The following MGAT4C variants were observed in gnomAD, a reference collection of about 807,000 sequenced individuals.
MGAT4C encodes alpha-1,3-mannosyl-glycoprotein 4-beta-N-acetylglucosaminyltransferase C.
Under a neutral mutation model 40.1 loss-of-function variants are expected in MGAT4C, and 19 were observed. That is an observed-to-expected ratio of 0.47 (90% CI 0.33 to 0.70). The LOEUF is 0.70. Ranked by LOEUF, MGAT4C falls within the 30% of genes least tolerant of loss-of-function variation. The pLI is 0.02. For synonymous variants in MGAT4C, 181 were observed against 187.1 expected (o/e 0.97, Z 0.27); for missense variants, 491 against 563.2 (o/e 0.87, Z 1.30).
intron 4 of MGAT4C, among the ~76,000 whole-genome samples, chr12:86,287,419 A>T (rs1263277604): frequency 6.6e-6 from 1 of 151,270 alleles, no homozygotes; most frequent in Non-Finnish European, 1.5e-5. Flanking sequence ...GGTTTGTTAC[A>T]TAGGTATAAA....
chr12:86,489,648 AAGCTGCTGGCC>A (rs1958093315), intron 2 of MGAT4C, among the ~76,000 whole-genome samples: 1 of 152,168 alleles, frequency 6.6e-6, no homozygotes, highest in Non-Finnish European at 1.5e-5. Flanking sequence ...GCTGGCACTG[AAGCTGCTGGCC>A]AGTTGCCACA....
At chr12:86,379,613 T>C (rs573958826) in intron 3 of MGAT4C, among the ~76,000 whole-genome samples, 3 of 152,214 alleles carry the variant, frequency 2.0e-5, no homozygotes, top group Non-Finnish European at 4.4e-5. Context: ...ATTTGACCAG[T>C]GAATGAGCAA....
chr12:86,342,493 C>G (rs1370769134), intron 3 of MGAT4C, among the ~76,000 whole-genome samples: 1 of 152,108 alleles, frequency 6.6e-6, no homozygotes, highest in Non-Finnish European at 1.5e-5. Context: ...GAGCAAAGAC[C>G]CTAAGTGCCT....
chr12:86,741,847 A>G (rs1951074840), intron 1 of MGAT4C, among the ~76,000 whole-genome samples: 1 of 151,478 alleles, frequency 6.6e-6, no homozygotes, highest in African/African-American at 2.4e-5. Context: ...ATAAAGAACT[A>G]TCATGAACAG....
At chr12:86,454,842 C>T (rs981735576) in intron 2 of MGAT4C, among the ~76,000 whole-genome samples, 1 of 152,040 alleles carries the variant, frequency 6.6e-6, no homozygotes, top group African/African-American at 2.4e-5. Context: ...TGTGTAAATT[C>T]AAGGTCCAAA....
intron 1 of MGAT4C, among the ~76,000 whole-genome samples, chr12:86,053,126 G>A (rs999322611): frequency 2.0e-5 from 3 of 151,572 alleles, no homozygotes; most frequent in Non-Finnish European, 4.4e-5. Flanking sequence ...GAATGCCCAC[G>A]TGTTCAATCT....
chr12:86,178,517 T>C (rs1013964217), intron 1 of MGAT4C, among the ~76,000 whole-genome samples: 1 of 152,162 alleles, frequency 6.6e-6, no homozygotes, highest in Non-Finnish European at 1.5e-5. Flanking sequence ...CCCTAACACA[T>C]TTTGTTTATT....
intron 2 of MGAT4C, among the ~76,000 whole-genome samples, chr12:86,585,938 T>C (rs560414996): frequency 8.3e-4 from 125 of 151,272 alleles, no homozygotes; most frequent in Non-Finnish European, 1.6e-3. Flanking sequence ...AGGCACTTTT[T>C]TTTTCCCTTT....
chr12:86,112,318 C>T (rs893007504), intron 1 of MGAT4C, among the ~76,000 whole-genome samples: 2 of 151,440 alleles, frequency 1.3e-5, no homozygotes, highest in African/African-American at 2.4e-5. Context: ...ACTTCCCCCC[C>T]ACCCTTTTTT....
intron 4 of MGAT4C, among the ~76,000 whole-genome samples, chr12:86,319,400 C>T (rs1345480846): frequency 6.6e-6 from 1 of 152,126 alleles, no homozygotes; most frequent in Non-Finnish European, 1.5e-5. Flanking sequence ...GCAACCCATC[C>T]CATTTCCACG....
intron 4 of MGAT4C, among the ~76,000 whole-genome samples, chr12:86,298,142 T>TA (rs370923369): frequency 1.3e-4 from 20 of 151,014 alleles, no homozygotes; most frequent in African/African-American, 2.4e-4. Flanking sequence ...AAGCAAAAGT[T>TA]AAAAAAAAAT....
chr12:86,181,050 G>T (rs1888063521), intron 1 of MGAT4C, among the ~76,000 whole-genome samples: 1 of 152,052 alleles, frequency 6.6e-6, no homozygotes, highest in Non-Finnish European at 1.5e-5. Context: ...TGAATCATGG[G>T]GGCCAGTTTT....
chr12:86,410,239 C>A (rs2136244770), intron 3 of MGAT4C, among the ~76,000 whole-genome samples: 1 of 152,190 alleles, frequency 6.6e-6, no homozygotes, highest in East Asian at 1.9e-4. Context: ...AGGGCAGGAT[C>A]TTTTCCCTAC....
intron 1 of MGAT4C, among the ~76,000 whole-genome samples, chr12:86,150,394 G>A (rs839189): frequency 0.8 from 121,808 of 152,146 alleles, 49,326 homozygotes; most frequent in East Asian, 1. Flanking sequence ...AATAATACAC[G>A]TTCAATAAGT....
At chr12:86,054,068 T>C (rs758750789) in intron 1 of MGAT4C, among the ~76,000 whole-genome samples, 16 of 152,032 alleles carry the variant, frequency 1.1e-4, no homozygotes, top group Non-Finnish European at 1.5e-4. Flanking sequence ...AACTACCTTA[T>C]GATCTAGCCA....
intron 2 of MGAT4C, among the ~76,000 whole-genome samples, chr12:86,469,308 T>C (rs1356760524): frequency 1.3e-5 from 2 of 152,172 alleles, no homozygotes; most frequent in East Asian, 1.9e-4. Flanking sequence ...TTGCTTTTAA[T>C]GAACAGAATA....
At chr12:86,649,493 G>T (rs1423397848) in intron 2 of MGAT4C, among the ~76,000 whole-genome samples, 1 of 151,586 alleles carries the variant, frequency 6.6e-6, no homozygotes, top group Non-Finnish European at 1.5e-5. Context: ...ATAGAATAAG[G>T]ATTATGCAGA....
At chr12:86,706,862 G>A (rs1950468268) in intron 2 of MGAT4C, among the ~76,000 whole-genome samples, 1 of 152,066 alleles carries the variant, frequency 6.6e-6, no homozygotes, top group Non-Finnish European at 1.5e-5. Flanking sequence ...GGAGGGACCT[G>A]GTAGGAGGTA....
chr12:85,989,648 C>A (rs1156771105), intron 2 of MGAT4C, 96 bp from the exon 3 acceptor site: 2 of 1,145,530 alleles, frequency 1.7e-6, no homozygotes, highest in Non-Finnish European at 2.4e-6. Flanking sequence ...AAAATTTCAT[C>A]TTTCAAATGT....
Sources: allele counts gnomAD v4.1 joint callset (sites outside exome capture counted in the v4.1 genomes callset), GRCh38; gene constraint gnomAD v4.1.1; transcripts MANE v1.5; gene names NCBI Gene and HGNC (gene_info 2026-07-23, HGNC 2026-07-21).